ZNF385D: variants seen among roughly 807,000 people sequenced by gnomAD.
The protein encoded by ZNF385D is zinc finger protein 659.
ZNF385D carries 15 observed loss-of-function variants against 35.8 expected under a neutral mutation model. The observed-to-expected ratio is 0.42, with a 90% CI of 0.28 to 0.64. The LOEUF (loss-of-function observed/expected upper bound fraction) is 0.64. Among genes scored for constraint, ZNF385D ranks in the 30% least tolerant of loss-of-function variants. The pLI is 0.23. For missense variants in ZNF385D, 474 were observed against 494.6 expected, an observed-to-expected ratio of 0.96 and a Z score of 0.39; for synonymous variants, 212 against 186.8, an observed-to-expected ratio of 1.13 and a Z score of -1.10.
chr3:21,725,048 A>G (rs962392064), intron 1 of ZNF385D, among the ~76,000 whole-genome samples: 2 of 152,244 alleles, frequency 1.3e-5, no homozygotes, highest in Non-Finnish European at 2.9e-5. Context: ...CTGAACAATT[A>G]CATGAAAACT....
upstream of ZNF385D, among the ~76,000 whole-genome samples, chr3:21,754,221 CTAGA>C (rs928758606): frequency 8.5e-5 from 13 of 152,114 alleles, no homozygotes; most frequent in African/African-American, 1.4e-4. Flanking sequence ...CTGATCTTGG[CTAGA>C]TAGAGGATTG....
chr3:22,149,092 C>T (rs1009396037), intron 3 of ZNF385D, among the ~76,000 whole-genome samples: 4 of 152,266 alleles, frequency 2.6e-5, no homozygotes, highest in African/African-American at 9.6e-5. Flanking sequence ...CAACTAAGAG[C>T]TGGTTAGAAA....
intron 3 of ZNF385D, among the ~76,000 whole-genome samples, chr3:21,973,143 T>C (rs1703372523): frequency 6.6e-6 from 1 of 151,896 alleles, no homozygotes; most frequent in Non-Finnish European, 1.5e-5. Context: ...ATATCCCCGA[T>C]GAACACTGAC....
chr3:22,158,948 C>T (rs1705770594), intron 3 of ZNF385D, among the ~76,000 whole-genome samples: 1 of 151,816 alleles, frequency 6.6e-6, no homozygotes, highest in Admixed American at 6.6e-5. Flanking sequence ...GGAAGGAAAA[C>T]AAAAGTTAAA....
At chr3:21,464,743 A>AACACACACACACAC (rs6147726) in intron 4 of ZNF385D, among the ~76,000 whole-genome samples, 2,483 of 150,294 alleles carry the variant, frequency 0.017, 39 homozygotes, top group South Asian at 0.035. Flanking sequence ...AATAAATTAA[A>AACACACACACACAC]ACACACACAC....
intron 2 of ZNF385D, among the ~76,000 whole-genome samples, chr3:22,207,454 G>C (rs962032876): frequency 1.3e-5 from 2 of 151,910 alleles, no homozygotes; most frequent in Non-Finnish European, 2.9e-5. Flanking sequence ...ATGGATTATA[G>C]ACTTAAATCT....
chr3:21,743,215 G>A (rs937099870), intron 1 of ZNF385D, among the ~76,000 whole-genome samples: 2 of 152,202 alleles, frequency 1.3e-5, no homozygotes, highest in Non-Finnish European at 2.9e-5. Flanking sequence ...TGAACAAATG[G>A]TAGAGATGGG....
At position 21,554,900 on chromosome 3, in the gene ZNF385D, G is replaced by A. The variant is rs58813702; in HGVS notation, c.276+9674C>T. Among the ~76,000 whole-genome samples the A allele has an allele frequency of 2.0e-5, 3 of 152,238 alleles. No homozygotes were observed. In the South Asian group the frequency reaches 6.2e-4, roughly 32 times the overall value. ...AGAGTTAGGGCCTTCCTCTGGATTA[G>A]GCTCTGATTTAAGGAAATGGTATGG... On this transcript the variant is annotated intron_variant, in intron 3 of 7. Transcript: ENST00000281523.
At chr3:21,526,598 T>G (rs1708239707) in intron 3 of ZNF385D, among the ~76,000 whole-genome samples, 1 of 152,112 alleles carries the variant, frequency 6.6e-6, no homozygotes, top group Non-Finnish European at 1.5e-5. Flanking sequence ...TGATAAGAGC[T>G]TCTGAAAGGG....
intron 3 of ZNF385D, chr3:21,978,243 T>A (rs1464489243): frequency 2.0e-5 from 3 of 152,214 alleles, no homozygotes; most frequent in African/African-American, 7.2e-5. Context: ...AGTGTCTGTT[T>A]CTTACTTTGT....
At chr3:21,684,738 G>T (rs2067050295) in intron 1 of ZNF385D, among the ~76,000 whole-genome samples, 1 of 152,100 alleles carries the variant, frequency 6.6e-6, no homozygotes, top group South Asian at 2.1e-4. Context: ...GAGCAAAGCT[G>T]GGTGGCAAAC....
intron 3 of ZNF385D, among the ~76,000 whole-genome samples, chr3:22,155,074 A>G (rs1042274896): frequency 7.9e-5 from 12 of 152,162 alleles, no homozygotes; most frequent in Admixed American, 2.0e-4. Flanking sequence ...AAGGACAATG[A>G]CAATATTATT....
At chr3:21,891,293 C>T (rs1378904494) in intron 3 of ZNF385D, among the ~76,000 whole-genome samples, 2 of 152,062 alleles carry the variant, frequency 1.3e-5, no homozygotes, top group Admixed American at 1.3e-4. Flanking sequence ...GAACAAGGAG[C>T]TATCCAGGAA....
At chr3:21,830,085 C>T (rs1023466699) in intron 3 of ZNF385D, among the ~76,000 whole-genome samples, 1 of 151,980 alleles carries the variant, frequency 6.6e-6, no homozygotes, top group Non-Finnish European at 1.5e-5. Flanking sequence ...GATATCACTA[C>T]TGCATTCCAG....
At chr3:22,170,510 C>T (rs562122661) in intron 2 of ZNF385D, among the ~76,000 whole-genome samples, 15 of 152,238 alleles carry the variant, frequency 9.9e-5, no homozygotes, top group Admixed American at 2.0e-4. Flanking sequence ...CAGTACATAA[C>T]GCATGCTTTC....
intron 3 of ZNF385D, among the ~76,000 whole-genome samples, chr3:22,155,059 A>C (rs1705499775): frequency 6.6e-6 from 1 of 152,144 alleles, no homozygotes; most frequent in African/African-American, 2.4e-5. Flanking sequence ...AATTGATCTT[A>C]TGTGAAGGAC....
At chr3:22,002,544 T>C (rs1497933) in intron 3 of ZNF385D, among the ~76,000 whole-genome samples, 75,673 of 152,006 alleles carry the variant, frequency 0.5, 19,616 homozygotes, top group African/African-American at 0.63. Context: ...ATTCCAAAAA[T>C]TGAAGAGAAG....
intron 3 of ZNF385D, among the ~76,000 whole-genome samples, chr3:21,546,952 G>A (rs1454574631): frequency 6.6e-6 from 1 of 152,046 alleles, no homozygotes; most frequent in Non-Finnish European, 1.5e-5. Flanking sequence ...TTCCCTCTCT[G>A]CCCTACATAC....
intron 4 of ZNF385D, among the ~76,000 whole-genome samples, chr3:21,439,521 T>C (rs567032198): frequency 6.6e-5 from 10 of 152,152 alleles, no homozygotes; most frequent in Non-Finnish European, 1.3e-4. Context: ...TGAAATCTAC[T>C]ATGGTAAAGA....
Sources: allele counts gnomAD v4.1 joint callset (sites outside exome capture counted in the v4.1 genomes callset), GRCh38; gene constraint gnomAD v4.1.1; transcripts MANE v1.5; gene names NCBI Gene and HGNC (gene_info 2026-07-23, HGNC 2026-07-21).